Variants in LMF1 observed in about 807,000 individuals in gnomAD.
LMF1 encodes lipase maturation factor 1, also known as transmembrane protein 112.
LMF1 carries 68 observed loss-of-function variants against 60.6 expected under a neutral mutation model. The ratio of observed to expected loss-of-function variants is 1.12; its 90% CI spans 0.92 to 1.37. The LOEUF (loss-of-function observed/expected upper bound fraction) is 1.37. LMF1 is among the 40% of genes most tolerant of loss of function. LMF1 has a pLI of 0.00. For synonymous variants in LMF1, 418 were observed against 324.7 expected (o/e 1.29, Z -3.09); for missense variants, 948 against 767.2 (o/e 1.24, Z -2.78).
At chr16:876,766 G>C (rs1345999074) in intron 6 of LMF1, among the ~76,000 whole-genome samples, 1 of 151,848 alleles carries the variant, frequency 6.6e-6, no homozygotes, top group African/African-American at 2.4e-5. Context: ...TGGCAAAGAT[G>C]CTGCCCAAAC....
intron 2 of LMF1, among the ~76,000 whole-genome samples, chr16:935,495 G>A (rs866099740): frequency 1.3e-5 from 2 of 150,526 alleles, no homozygotes; most frequent in African/African-American, 2.5e-5. Context: ...TGTGGCTTCC[G>A]TGGGCCACAA....
rs544409588 is a variant in LMF1 at position 877,032 on chromosome 16, C to T, written c.897+2538G>A. ...TTGCTCCCCGCTGTCTCAGGAGATG[C>T]GTGTCGGTGAGGACACAGGCCTTGA... On this transcript the variant is annotated intron_variant, in intron 6 of 10. Coordinates refer to ENST00000262301, the MANE Select transcript of LMF1 (RefSeq NM_022773.4). 5.3e-5 allele frequency among the ~76,000 whole-genome samples: 8 copies of T among 152,300 alleles called. No homozygotes were observed. The South Asian group carries it at 1.4e-3, about 28-fold the overall frequency.
chr16:926,173 T>C (rs1424320848), intron 3 of LMF1, among the ~76,000 whole-genome samples: 2 of 152,196 alleles, frequency 1.3e-5, no homozygotes, highest in Admixed American at 1.3e-4. Flanking sequence ...CATACGCGTG[T>C]GCACACATTT....
intron 5 of LMF1, among the ~76,000 whole-genome samples, chr16:885,498 C>T (rs143519623): frequency 2.6e-5 from 4 of 152,158 alleles, no homozygotes; most frequent in South Asian, 2.1e-4. Flanking sequence ...CTAAGAGATC[C>T]GCTTCAAACA....
intron 5 of LMF1, among the ~76,000 whole-genome samples, chr16:885,269 G>C (rs1187428883): frequency 6.6e-6 from 1 of 152,124 alleles, no homozygotes; most frequent in Non-Finnish European, 1.5e-5. Flanking sequence ...AAATAAAAAG[G>C]AGTCACAAAA....
At chr16:915,852 G>A (rs2071265801) in intron 3 of LMF1, among the ~76,000 whole-genome samples, 2 of 152,096 alleles carry the variant, frequency 1.3e-5, no homozygotes, top group African/African-American at 2.4e-5. Context: ...GCAGGGGCCG[G>A]AGCACGTGGG....
At chr16:932,173 T>TC (rs35374304) in intron 3 of LMF1, among the ~76,000 whole-genome samples, 2 of 151,600 alleles carry the variant, frequency 1.3e-5, no homozygotes, top group South Asian at 2.1e-4. Flanking sequence ...CCCAGGCACT[T>TC]CCCCCCCACC....
At chr16:952,084 T>C (rs1476490500) in intron 2 of LMF1, among the ~76,000 whole-genome samples, 1 of 152,220 alleles carries the variant, frequency 6.6e-6, no homozygotes, top group East Asian at 1.9e-4. Flanking sequence ...GGAGGGGTCC[T>C]GGGGCGGAGC....
At chr16:976,395 G>A (rs1167953613) in intron 1 of LMF1, 1 of 454,114 alleles carries the variant, frequency 2.2e-6, no homozygotes. Flanking sequence ...ACACGGCACA[G>A]CTGTACTGCA....
intron 1 of LMF1, among the ~76,000 whole-genome samples, chr16:965,900 A>T (rs1157828594): frequency 6.6e-6 from 1 of 152,092 alleles, no homozygotes; most frequent in African/African-American, 2.4e-5. Context: ...TGCCCCTAGA[A>T]GACAAGGGAT....
At chr16:859,871 T>A (rs1178908880) in intron 10 of LMF1, among the ~76,000 whole-genome samples, 58 of 102,592 alleles carry the variant, frequency 5.7e-4, no homozygotes, top group African/African-American at 3.3e-3. Flanking sequence ...CAGTGGTGTC[T>A]CGGGATGGGT....
chr16:883,572 C>T (rs1366133272), intron 5 of LMF1, among the ~76,000 whole-genome samples: 1 of 152,208 alleles, frequency 6.6e-6, no homozygotes, highest in Non-Finnish European at 1.5e-5. Context: ...GTAACAGATA[C>T]TTAGTACTGA....
chr16:906,841 C>A (rs1008302814), intron 4 of LMF1, among the ~76,000 whole-genome samples: 1 of 152,148 alleles, frequency 6.6e-6, no homozygotes, highest in African/African-American at 2.4e-5. Flanking sequence ...CTGGAAAAAA[C>A]AATCCTTCTG....
intron 3 of LMF1, among the ~76,000 whole-genome samples, chr16:924,065 C>A (rs2071521940): frequency 1.3e-5 from 2 of 152,306 alleles, no homozygotes; most frequent in East Asian, 3.9e-4. Flanking sequence ...TTTGGCTCAG[C>A]AGTCACAATA....
upstream of LMF1, among the ~76,000 whole-genome samples, chr16:972,946 A>C (rs769739097): frequency 6.6e-6 from 1 of 152,156 alleles, no homozygotes; most frequent in East Asian, 1.9e-4. Context: ...ATGGCTCCAG[A>C]GCAGGTCACC....
At chr16:855,031 A>G (rs7204414) in intron 10 of LMF1, 25,619 of 440,878 alleles carry the variant, frequency 0.058, 3,767 homozygotes, top group African/African-American at 0.37. Flanking sequence ...GCACTGAGCA[A>G]GCCTGAGACC....
At chr16:974,344 C>A (rs1348357893), upstream of LMF1, among the ~76,000 whole-genome samples, 4 of 152,218 alleles carry the variant, frequency 2.6e-5, no homozygotes, top group South Asian at 8.3e-4. Flanking sequence ...CTGCCCTGAG[C>A]GCCTCACACC....
At chr16:936,026 T>C (rs1482576844) in intron 2 of LMF1, among the ~76,000 whole-genome samples, 1 of 152,224 alleles carries the variant, frequency 6.6e-6, no homozygotes. Context: ...ACACTATTTA[T>C]AGGTAAAAGA....
At chr16:959,811 T>G (rs2072785290) in intron 1 of LMF1, among the ~76,000 whole-genome samples, 1 of 150,174 alleles carries the variant, frequency 6.7e-6, no homozygotes, top group South Asian at 2.1e-4. Flanking sequence ...AGAGGGAGGA[T>G]TCAGATGGGC....
Sources: gnomAD v4.1 joint callset for allele counts (sites outside exome capture counted in the v4.1 genomes callset) on GRCh38, gnomAD v4.1.1 for gene constraint, MANE v1.5 for transcripts, NCBI Gene and HGNC (gene_info 2026-07-23, HGNC 2026-07-21) for gene names.